TMEM44: variants seen among roughly 807,000 people sequenced by gnomAD.
TMEM44 encodes the protein transmembrane protein 44.
TMEM44 carries 43 observed loss-of-function variants against 47.8 expected under a neutral mutation model. The observed-to-expected ratio is 0.90, with a 90% CI of 0.70 to 1.16. TMEM44 has a LOEUF of 1.16. Among genes scored for constraint, TMEM44 ranks in the 50% most tolerant of loss-of-function variants. TMEM44 has a pLI of 0.00. For missense variants in TMEM44, 568 were observed against 555.2 expected, an observed-to-expected ratio of 1.02 and a Z score of -0.23; for synonymous variants, 277 against 238.8, an observed-to-expected ratio of 1.16 and a Z score of -1.48.
intron 8 of TMEM44, among the ~76,000 whole-genome samples, chr3:194,609,779 C>T (rs906482731): frequency 1.3e-5 from 2 of 152,104 alleles, no homozygotes; most frequent in African/African-American, 2.4e-5. Context: ...GGCCACACTT[C>T]CTTTTCCTCG....
At chr3:194,618,900 CCACGCTTCTCCGT>C (rs1295753965) in intron 5 of TMEM44, among the ~76,000 whole-genome samples, 1 of 152,212 alleles carries the variant, frequency 6.6e-6, no homozygotes, top group Non-Finnish European at 1.5e-5. Flanking sequence ...CAGCACAGTC[CCACGCTTCTCCGT>C]GGAGCAGCCG....
At chr3:194,623,444 T>C in intron 4 of TMEM44, 85 bp downstream of exon 4, 1 of 1,508,322 alleles carries the variant, frequency 6.6e-7, no homozygotes, top group South Asian at 1.2e-5. Context: ...TTAACCCCAC[T>C]CCCCTAGCCC....
chr3:194,625,513 G>C lies in TMEM44; in HGVS notation c.358+384C>G, dbSNP rs150685124. 1.1e-4 allele frequency among the ~76,000 whole-genome samples: 17 copies of C among 151,370 alleles called. No homozygotes were observed. In the East Asian group the frequency reaches 3.4e-3, roughly 30 times the overall value. ...ACCAGGTTTGTTGAGACGGACTCTT[G>C]CTCTGTCGCCAGGCTGGAATGCAGT... On this transcript the variant is annotated intron_variant, in intron 3 of 9. Transcript: ENST00000347147.
rs181503456 is a variant in TMEM44, at chr3:194,610,194, C to T, written c.1017+722G>A. 4.0e-5 allele frequency among the ~76,000 whole-genome samples: 6 copies of T among 151,514 alleles called. No homozygotes were observed. The East Asian group carries it at 1.2e-3, about 29-fold the overall frequency. ...TGAGATCATGCCACTGTACTCCAGC[C>T]TGGGCGACAGAGTGTCTCAAAAAAA... is the stretch of plus-strand genomic sequence containing the variant. On this transcript the variant is annotated intron_variant, in intron 8 of 9. Coordinates refer to ENST00000347147, the MANE Select transcript of TMEM44 (RefSeq NM_001011655.3).
chr3:194,601,489 A>G (rs140230269), intron 9 of TMEM44, among the ~76,000 whole-genome samples: 7,296 of 152,016 alleles, frequency 0.048, 241 homozygotes, highest in African/African-American at 0.086. Flanking sequence ...TTTTTAGTAG[A>G]GACTGGGTTT....
At chr3:194,606,861 G>A (rs150812698) in intron 8 of TMEM44, among the ~76,000 whole-genome samples, 67 of 144,844 alleles carry the variant, frequency 4.6e-4, no homozygotes, top group African/African-American at 1.6e-3. Context: ...CATGAGAATC[G>A]AGAATCTCTT....
chr3:194,592,078 C>A (rs999454447), intron 9 of TMEM44, among the ~76,000 whole-genome samples: 11 of 152,014 alleles, frequency 7.2e-5, no homozygotes, highest in Middle Eastern at 3.4e-3. Flanking sequence ...ATTAGCCGGG[C>A]GCGGTGGCGG....
In TMEM44 at chr3:194,595,906, T is replaced by C. The variant is rs541843689; in HGVS notation, c.1177-7267A>G. 6.6e-4 allele frequency among the ~76,000 whole-genome samples: 101 copies of C among 152,224 alleles called. 1 individual carries two copies. Among genetic ancestry groups the C allele is most frequent in the African/African-American group, 2.2e-3 (92 of 41,538 alleles). ...TCCCAAAGTGCTGGGATTACAAGCG[T>C]GAGCCACCGCACCCGGCTGATGGTC... On this transcript the variant is annotated intron_variant, in intron 9 of 9. Transcript: ENST00000347147.
At chr3:194,621,173 G>A (rs1716496397) in intron 5 of TMEM44, among the ~76,000 whole-genome samples, 2 of 152,148 alleles carry the variant, frequency 1.3e-5, no homozygotes, top group Non-Finnish European at 2.9e-5. Flanking sequence ...AAAGGAGCAA[G>A]TCGGACACAG....
intron 8 of TMEM44, among the ~76,000 whole-genome samples, chr3:194,607,112 G>A (rs1399265459): frequency 6.6e-6 from 1 of 152,136 alleles, no homozygotes; most frequent in Non-Finnish European, 1.5e-5. Context: ...GGTGGGAGGT[G>A]TCTGGATCCT....
At position 194,605,039 on chromosome 3, in the gene TMEM44, C is replaced by T. The variant is rs113624817; in HGVS notation, c.1018-594G>A. ...CCATAGAGGCCTTCCTCATGCCCACCAGCAGGGGATGAAAGTGAGTTGGGA... is the reference window on the plus strand; with the variant it reads ...CCATAGAGGCCTTCCTCATGCCCACTAGCAGGGGATGAAAGTGAGTTGGGA... On this transcript the variant is annotated intron_variant, in intron 8 of 9. Coordinates refer to ENST00000347147, the MANE Select transcript of TMEM44 (RefSeq NM_001011655.3). 5.8e-3 allele frequency among the ~76,000 whole-genome samples: 886 copies of T among 152,338 alleles called. 11 individuals carry two copies. The highest frequency in any genetic ancestry group is 0.021 in the South Asian group (99 of 4,824).
chr3:194,622,786 G>C (rs371497929), intron 5 of TMEM44: 1 of 159,890 alleles, frequency 6.3e-6, no homozygotes, highest in Non-Finnish European at 1.4e-5. Flanking sequence ...GACCTCAAGC[G>C]ACCCGCCCCG....
intron 5 of TMEM44, among the ~76,000 whole-genome samples, chr3:194,620,164 G>A (rs1186227277): frequency 6.6e-6 from 1 of 151,866 alleles, no homozygotes. Flanking sequence ...GGTGGTGCAT[G>A]CCTGTAGTCC....
At chr3:194,590,922 G>A (rs183052087) in intron 9 of TMEM44, among the ~76,000 whole-genome samples, 61 of 152,310 alleles carry the variant, frequency 4.0e-4, no homozygotes, top group African/African-American at 1.3e-3. Context: ...GGCCGGGCAC[G>A]GGGACTCACG....
intron 8 of TMEM44, among the ~76,000 whole-genome samples, chr3:194,604,694 CA>C (rs1234440009): frequency 6.6e-6 from 1 of 152,182 alleles, no homozygotes; most frequent in African/African-American, 2.4e-5. Context: ...CCCCGATTTC[CA>C]AAATGATAGC....
At chr3:194,594,443 A>G (rs536063443) in intron 9 of TMEM44, among the ~76,000 whole-genome samples, 237 of 152,272 alleles carry the variant, frequency 1.6e-3, no homozygotes, top group African/African-American at 5.2e-3. Flanking sequence ...GATTACAGGC[A>G]TGAGCCACTG....
intron 7 of TMEM44, among the ~76,000 whole-genome samples, chr3:194,612,559 T>G (rs1033191602): frequency 4.7e-5 from 7 of 149,574 alleles, no homozygotes; most frequent in African/African-American, 1.7e-4. Context: ...TCACACCCAC[T>G]CTCTGTGAGA....
chr3:194,600,118 G>T (rs1368260731), intron 9 of TMEM44, among the ~76,000 whole-genome samples: 1 of 149,822 alleles, frequency 6.7e-6, no homozygotes. Context: ...TTCAGACAGG[G>T]TCTCACTCTG....
At chr3:194,593,502 C>T (rs1009520661) in intron 9 of TMEM44, among the ~76,000 whole-genome samples, 1 of 152,044 alleles carries the variant, frequency 6.6e-6, no homozygotes, top group African/African-American at 2.4e-5. Context: ...GTATTTGCTA[C>T]CAGCCAAGAT....
Sources: gnomAD v4.1 joint callset for allele counts (sites outside exome capture counted in the v4.1 genomes callset) on GRCh38, gnomAD v4.1.1 for gene constraint, MANE v1.5 for transcripts, NCBI Gene and HGNC (gene_info 2026-07-23, HGNC 2026-07-21) for gene names.